Variants in TLK1 observed in about 807,000 individuals in gnomAD.
TLK1 encodes serine/threonine-protein kinase tousled-like 1.
In TLK1, 24 loss-of-function variants were observed where a neutral mutation model predicts 105.3. The ratio of observed to expected loss-of-function variants is 0.23; its 90% CI spans 0.17 to 0.32. TLK1 has a LOEUF of 0.32. Ranked by LOEUF, TLK1 falls within the 10% of genes least tolerant of loss-of-function variation. The pLI is 1.00. For synonymous variants in TLK1, 321 were observed against 310.4 expected, an observed-to-expected ratio of 1.03 and a Z score of -0.36; for missense variants, 558 against 910.5, an observed-to-expected ratio of 0.61 and a Z score of 4.98.
chr2:171,156,176 T>C (rs192827984), intron 1 of TLK1, among the ~76,000 whole-genome samples: 8 of 152,318 alleles, frequency 5.3e-5, no homozygotes, highest in African/African-American at 1.9e-4. Flanking sequence ...TATATCTACA[T>C]GAAGCTGGAT....
chr2:171,160,675 A>G lies in TLK1; in HGVS notation c.-247T>C, dbSNP rs769085376. The G allele has an allele frequency of 3.4e-4, 195 of 569,360 alleles. No homozygotes were observed. Among genetic ancestry groups the G allele is most frequent in the Non-Finnish European group, 3.5e-4 (121 of 346,960 alleles). The allele number at this position is 569,360 out of a possible 1,614,324, so 35.3% of individuals were successfully genotyped here. A position where few individuals can be genotyped will look rare whatever the true frequency, so the allele number is the denominator to read the frequency against. ...AAGCGAGGGAGCGAGCGGGCGCGCC[A>G]GAGGAGAGGAGGAGGAAAGGAGCGC... On this transcript the variant is annotated 5_prime_UTR_variant, in exon 1 of 21. Coordinates refer to ENST00000431350, the MANE Select transcript of TLK1 (RefSeq NM_012290.5). The surrounding 1 kb of genome is among the most constrained non-coding windows in gnomAD (Gnocchi z 4.4).
chr2:171,208,651 C>T (rs1693553160), intron 1 of TLK1, among the ~76,000 whole-genome samples: 2 of 150,962 alleles, frequency 1.3e-5, no homozygotes, highest in Admixed American at 1.3e-4. Context: ...GATATTAATC[C>T]TAGTGCTGCT....
chr2:171,221,982 T>C (rs1693818516), intron 1 of TLK1, among the ~76,000 whole-genome samples: 1 of 152,236 alleles, frequency 6.6e-6, no homozygotes, highest in East Asian at 1.9e-4. Context: ...CAAATACCCA[T>C]GCGTTCCTCA....
intron 5 of TLK1, 143 bp from the exon 6 acceptor site, chr2:171,056,709 A>G: frequency 1.8e-6 from 1 of 541,184 alleles, no homozygotes; most frequent in South Asian, 2.6e-5. Context: ...AAAAAAAAAA[A>G]CACAAGGTCA....
rs927757343 is a variant in TLK1 at position 171,106,040 on chromosome 2, C to G, written c.258+11699G>C. Among the ~76,000 whole-genome samples the G allele has an allele frequency of 2.6e-5, 4 of 152,190 alleles. No individual in the cohort carries two copies. The East Asian group carries it at 7.7e-4, about 29-fold the overall frequency. ...CTATTTCACCATTAAAAAAATTTCTCTCATTCACAGCAACACTGATGAGCT... is the reference window on the plus strand; with the variant it reads ...CTATTTCACCATTAAAAAAATTTCTGTCATTCACAGCAACACTGATGAGCT... On this transcript the variant is annotated intron_variant, in intron 2 of 20. Coordinates refer to ENST00000431350, the MANE Select transcript of TLK1 (RefSeq NM_012290.5).
intron 3 of TLK1, among the ~76,000 whole-genome samples, chr2:171,079,779 G>T (rs754566142): frequency 6.6e-6 from 1 of 152,124 alleles, no homozygotes; most frequent in Admixed American, 6.6e-5. Flanking sequence ...ATGCTTTCCA[G>T]TTTTAATAGT....
intron 1 of TLK1, among the ~76,000 whole-genome samples, chr2:171,180,152 G>A (rs1262163522): frequency 1.3e-5 from 2 of 150,030 alleles, no homozygotes; most frequent in Admixed American, 1.3e-4. Context: ...TATAATCCCA[G>A]CTACTCGGGG....
At chr2:171,081,544 A>G (rs1448473851) in intron 3 of TLK1, 1 of 733,694 alleles carries the variant, frequency 1.4e-6, no homozygotes, top group Non-Finnish European at 1.9e-6. Context: ...CTTTGACTAG[A>G]GCTAAACCTA....
chr2:171,073,620 T>C (rs1274343157), intron 3 of TLK1, among the ~76,000 whole-genome samples: 2 of 152,182 alleles, frequency 1.3e-5, no homozygotes, highest in African/African-American at 2.4e-5. Context: ...CATGAACATA[T>C]TCAAGCAGGA....
intron 8 of TLK1, among the ~76,000 whole-genome samples, chr2:171,051,315 A>G (rs915166191): frequency 5.3e-5 from 8 of 152,080 alleles, no homozygotes; most frequent in South Asian, 2.1e-4. Context: ...TGGAAATTCA[A>G]TGTTTTATCC....
chr2:171,058,121 G>A, intron 5 of TLK1, 30 bp downstream of exon 5: 1 of 1,611,160 alleles, frequency 6.2e-7, no homozygotes, highest in South Asian at 1.1e-5. Context: ...TACTGAATTA[G>A]GAAATGGAGA....
chr2:171,144,895 C>A (rs1034196101), intron 1 of TLK1, among the ~76,000 whole-genome samples: 4 of 152,068 alleles, frequency 2.6e-5, no homozygotes, highest in East Asian at 1.9e-4. Flanking sequence ...ACACAACAGA[C>A]AAATGAACAA....
chr2:171,132,158 GA>G (rs1197833926), intron 1 of TLK1, among the ~76,000 whole-genome samples: 2 of 152,180 alleles, frequency 1.3e-5, no homozygotes, highest in African/African-American at 4.8e-5. Context: ...GAAGCCTCAG[GA>G]AACTTACAAT....
chr2:171,040,180 G>A (rs1686593335), intron 11 of TLK1, among the ~76,000 whole-genome samples: 2 of 152,142 alleles, frequency 1.3e-5, no homozygotes, highest in Non-Finnish European at 2.9e-5. Context: ...GAAGCATAAA[G>A]ATAAGCCTCA....
At chr2:171,138,839 G>C (rs1328137930) in intron 1 of TLK1, among the ~76,000 whole-genome samples, 1 of 152,086 alleles carries the variant, frequency 6.6e-6, no homozygotes, top group Non-Finnish European at 1.5e-5. Context: ...TATGTATGTT[G>C]CTAGTGGCAC....
intron 11 of TLK1, among the ~76,000 whole-genome samples, chr2:171,037,743 TA>T (rs1686441295): frequency 6.6e-6 from 1 of 152,186 alleles, no homozygotes; most frequent in Admixed American, 6.5e-5. Flanking sequence ...TTTTATATAT[TA>T]TATGTTGTGT....
intron 1 of TLK1, among the ~76,000 whole-genome samples, chr2:171,154,806 A>T (rs1692171860): frequency 6.6e-6 from 1 of 152,222 alleles, no homozygotes; most frequent in Non-Finnish European, 1.5e-5. Context: ...ATAGGAAATG[A>T]GCTTTAAATC....
At chr2:171,116,340 T>C (rs1045370674) in intron 2 of TLK1, among the ~76,000 whole-genome samples, 4 of 152,162 alleles carry the variant, frequency 2.6e-5, no homozygotes, top group African/African-American at 9.7e-5. Context: ...GTAATACTAA[T>C]ATAAAAACAG....
chr2:171,096,859 T>C (rs1689475220), intron 2 of TLK1, among the ~76,000 whole-genome samples: 2 of 152,156 alleles, frequency 1.3e-5, no homozygotes, highest in Non-Finnish European at 2.9e-5. Context: ...AAAGATATCC[T>C]GTTTTCATGA....
Sources: gnomAD v4.1 joint callset for allele counts (sites outside exome capture counted in the v4.1 genomes callset) on GRCh38, gnomAD v4.1.1 for gene constraint, Gnocchi (gnomAD v3.1) non-coding constraint, MANE v1.5 for transcripts, NCBI Gene and HGNC (gene_info 2026-07-23, HGNC 2026-07-21) for gene names.